WASF1: variants seen among roughly 807,000 people sequenced by gnomAD.
WASF1 encodes the protein WASP family member 1.
A neutral mutation model predicts 50.5 loss-of-function variants in WASF1; 7 were observed. The ratio of observed to expected loss-of-function variants is 0.14; its 90% CI spans 0.08 to 0.26. The LOEUF (loss-of-function observed/expected upper bound fraction) is 0.26. Among genes scored for constraint, WASF1 ranks in the 10% least tolerant of loss-of-function variants. The pLI is 1.00. For synonymous variants in WASF1, 205 were observed against 244.0 expected (o/e 0.84, Z 1.49); for missense variants, 470 against 694.7 (o/e 0.68, Z 3.64).
chr6:110,147,163 C>T (rs542471338), intron 3 of WASF1, among the ~76,000 whole-genome samples: 10 of 151,890 alleles, frequency 6.6e-5, no homozygotes, highest in South Asian at 2.1e-4. Context: ...CTGGCTAACA[C>T]GGTGAAACCC....
rs190693131 is a variant in WASF1 at position 110,116,912 on chromosome 6, A to C, written c.134-3452T>G. ...ACAGGGTCTGGAGTGGACCTCAAGC[A>C]AACTCCAACAGACCTGTAGCTGAGG... On this transcript the variant is annotated intron_variant, in intron 4 of 10. Coordinates refer to ENST00000392589, the MANE Select transcript of WASF1 (RefSeq NM_003931.3). 2.3e-3 allele frequency among the ~76,000 whole-genome samples: 349 copies of C among 152,262 alleles called. 2 individuals are homozygous for C. The highest frequency in any genetic ancestry group is 3.9e-3 in the South Asian group (19 of 4,826).
chr6:110,135,186 T>C (rs1774890978), intron 3 of WASF1, among the ~76,000 whole-genome samples: 1 of 152,234 alleles, frequency 6.6e-6, no homozygotes, highest in African/African-American at 2.4e-5. Flanking sequence ...ACTATTGGTG[T>C]ATAGCAGTGC....
At chr6:110,166,678 T>C (rs181797418) in intron 2 of WASF1, among the ~76,000 whole-genome samples, 33 of 151,968 alleles carry the variant, frequency 2.2e-4, no homozygotes, top group African/African-American at 7.5e-4. Flanking sequence ...GTAGACAAAA[T>C]AGCAGTTAGG....
chr6:110,105,232 A>G (rs1583920837), intron 8 of WASF1, among the ~76,000 whole-genome samples, 175 bp downstream of exon 8: 1 of 152,290 alleles, frequency 6.6e-6, no homozygotes, highest in East Asian at 1.9e-4. Context: ...TATGAAAATG[A>G]CCTGCTCAAG....
chr6:110,148,978 T>C (rs1350961184), intron 3 of WASF1, among the ~76,000 whole-genome samples: 1 of 152,218 alleles, frequency 6.6e-6, no homozygotes, highest in African/African-American at 2.4e-5. Context: ...CTGAAAATTA[T>C]TTCTAAAGCA....
chr6:110,144,343 A>T (rs1301778264), intron 3 of WASF1, among the ~76,000 whole-genome samples: 1 of 151,950 alleles, frequency 6.6e-6, no homozygotes, highest in Admixed American at 6.6e-5. Flanking sequence ...GTTGGAGTTC[A>T]TTGTAGATTC....
chr6:110,119,794 A>G (rs1232557786), intron 4 of WASF1, among the ~76,000 whole-genome samples: 2 of 152,234 alleles, frequency 1.3e-5, no homozygotes, highest in Non-Finnish European at 2.9e-5. Context: ...ATCCTCAATA[A>G]AATACTGGCA....
Position 110,101,555 on chromosome 6 carries a change from T to C in WASF1, c.1522+33A>G, listed in dbSNP as rs200465772. ...ATTTAGAAAGTTTCCAATGCTACTA[T>C]AGCAATGCTTTTCATGGAGCTGAGA... On this transcript the variant is annotated intron_variant, in intron 10 of 10. Transcript: ENST00000392589. The C allele has an allele frequency of 9.4e-5, 148 of 1,576,264 alleles. 2 individuals are homozygous for C. The Admixed American group carries it at 2.6e-3, about 27-fold the overall frequency.
At chr6:110,106,200 C>T (rs1445467235) in intron 7 of WASF1, among the ~76,000 whole-genome samples, 2 of 152,144 alleles carry the variant, frequency 1.3e-5, no homozygotes, top group Non-Finnish European at 2.9e-5. Flanking sequence ...TGAAGCCAGT[C>T]GGGTGTAAGA....
chr6:110,128,006 G>A (rs145889433), intron 3 of WASF1, among the ~76,000 whole-genome samples: 4 of 152,062 alleles, frequency 2.6e-5, no homozygotes, highest in South Asian at 2.1e-4. Context: ...TATGTTCTCG[G>A]TAAGGCTTCT....
At chr6:110,142,733 T>C (rs567963365) in intron 3 of WASF1, among the ~76,000 whole-genome samples, 26 of 152,108 alleles carry the variant, frequency 1.7e-4, no homozygotes, top group Non-Finnish European at 3.8e-4. Flanking sequence ...CTGCAAATGA[T>C]ACACTGTTTA....
chr6:110,176,524 T>G (rs1776936677), intron 2 of WASF1, among the ~76,000 whole-genome samples: 2 of 152,184 alleles, frequency 1.3e-5, no homozygotes, highest in African/African-American at 4.8e-5. Flanking sequence ...ATTTTTCTCT[T>G]TTCTCCTGAG....
chr6:110,158,342 G>C (rs528459344), intron 3 of WASF1, among the ~76,000 whole-genome samples: 1 of 110,208 alleles, frequency 9.1e-6, no homozygotes, highest in African/African-American at 4.0e-5. Context: ...GTTTATTTGC[G>C]TAGAGGTGTT....
chr6:110,105,444 C>T lies in WASF1; in HGVS notation c.676G>A (p.Glu226Lys), dbSNP rs1340379240. ...DDANLLHKHI[E>K]VANGPASHFE... ...TGAGAGGCTGGGCCATTAGCAACTT[C>T]AATATGCTTATGTAAGAGATTAGCA... Residue 226 changes from glutamate (E) to lysine (K), a missense_variant, in exon 8 of 11, where the codon GAA becomes AAA. By Grantham distance (56) the Glu-to-Lys change is moderately conservative (BLOSUM62 1). Coordinates refer to ENST00000392589, the MANE Select transcript of WASF1 (RefSeq NM_003931.3). 2 of 1,612,582 alleles carry T rather than the reference C, an allele frequency of 1.2e-6. No individual in the cohort carries two copies. Among genetic ancestry groups the T allele is most frequent in the Non-Finnish European group, 1.7e-6 (2 of 1,179,504 alleles).
At chr6:110,136,402 C>T (rs1364030120) in intron 3 of WASF1, among the ~76,000 whole-genome samples, 5 of 152,264 alleles carry the variant, frequency 3.3e-5, no homozygotes, top group East Asian at 1.9e-4. Flanking sequence ...CAGTGGTCTA[C>T]GTATGTCCAT....
chr6:110,128,001 T>C (rs1286515523), intron 3 of WASF1, among the ~76,000 whole-genome samples: 2 of 152,200 alleles, frequency 1.3e-5, no homozygotes, highest in Admixed American at 6.5e-5. Flanking sequence ...CACTTTATGT[T>C]CTCGGTAAGG....
chr6:110,113,252 C>T (rs79189069), intron 5 of WASF1, 74 bp downstream of exon 5: 63,274 of 1,259,844 alleles, frequency 0.05, 1,847 homozygotes, highest in African/African-American at 0.12. Context: ...ATGATTAATA[C>T]TGTTAAGTAT....
chr6:110,172,785 T>C (rs979312660), intron 2 of WASF1, among the ~76,000 whole-genome samples: 2 of 151,622 alleles, frequency 1.3e-5, no homozygotes, highest in African/African-American at 4.8e-5. Flanking sequence ...CTCTGAAGAG[T>C]GGAAGGATAG....
At chr6:110,171,698 A>G (rs1776722907) in intron 2 of WASF1, among the ~76,000 whole-genome samples, 1 of 152,186 alleles carries the variant, frequency 6.6e-6, no homozygotes, top group Non-Finnish European at 1.5e-5. Flanking sequence ...TAATTAAACT[A>G]AAGAGCTTCT....
Sources: gnomAD v4.1 joint callset for allele counts (sites outside exome capture counted in the v4.1 genomes callset) on GRCh38, gnomAD v4.1.1 for gene constraint, MANE v1.5 for transcripts, NCBI Gene and HGNC (gene_info 2026-07-23, HGNC 2026-07-21) for gene names.